Variants in FOXN3 observed in about 807,000 individuals in gnomAD.
FOXN3 encodes forkhead box N3, also known as forkhead box protein N3.
FOXN3 carries 7 observed loss-of-function variants against 38.4 expected under a neutral mutation model. The ratio of observed to expected loss-of-function variants is 0.18; its 90% CI spans 0.10 to 0.34. The LOEUF is 0.34. Ranked by LOEUF, FOXN3 falls within the 10% of genes least tolerant of loss-of-function variation. The pLI is 1.00. For synonymous variants in FOXN3, 230 were observed against 242.2 expected (o/e 0.95, Z 0.47); for missense variants, 456 against 613.4 (o/e 0.74, Z 2.71).
chr14:89,296,258 T>G (rs1887037680), intron 3 of FOXN3, among the ~76,000 whole-genome samples: 2 of 152,222 alleles, frequency 1.3e-5, no homozygotes, highest in Admixed American at 1.3e-4. Context: ...AAGGTGTTTA[T>G]CATTATCTTT....
chr14:89,253,256 C>T (rs9323838), intron 4 of FOXN3, among the ~76,000 whole-genome samples: 94,490 of 152,124 alleles, frequency 0.62, 29,512 homozygotes, highest in Middle Eastern at 0.7. Flanking sequence ...TCACCGGCAT[C>T]GCGGAAAAGA....
intron 1 of FOXN3, among the ~76,000 whole-genome samples, chr14:89,593,949 G>A (rs943620165): frequency 2.0e-5 from 3 of 152,128 alleles, no homozygotes; most frequent in South Asian, 2.1e-4. Flanking sequence ...TTATATAAAC[G>A]GAATTCAGAT....
intron 1 of FOXN3, among the ~76,000 whole-genome samples, chr14:89,599,201 GT>G (rs942593533): frequency 6.6e-6 from 1 of 151,900 alleles, no homozygotes; most frequent in African/African-American, 2.4e-5. Flanking sequence ...AATTCATTTG[GT>G]TTTTTTAAAG....
At chr14:89,539,924 A>G (rs1596311649) in intron 1 of FOXN3, among the ~76,000 whole-genome samples, 2 of 152,252 alleles carry the variant, frequency 1.3e-5, no homozygotes, top group Admixed American at 1.3e-4. Context: ...AAAATGGAAG[A>G]GAAGTCTGAA....
chr14:89,223,985 C>T (rs8015831), intron 4 of FOXN3, among the ~76,000 whole-genome samples: 2,853 of 151,814 alleles, frequency 0.019, 101 homozygotes, highest in African/African-American at 0.065. Context: ...ATATTTATAA[C>T]GATTAAGAGA....
At chr14:89,569,186 C>T (rs1030626742) in intron 1 of FOXN3, among the ~76,000 whole-genome samples, 5 of 151,416 alleles carry the variant, frequency 3.3e-5, no homozygotes, top group Admixed American at 6.6e-5. Context: ...GCCTGGGGGA[C>T]AGAGCGAGAC....
intron 1 of FOXN3, among the ~76,000 whole-genome samples, chr14:89,440,620 A>G (rs1175094626): frequency 6.6e-6 from 1 of 152,176 alleles, no homozygotes; most frequent in African/African-American, 2.4e-5. Context: ...CCTGCCCGCC[A>G]GAGAACAAAC....
At chr14:89,306,434 C>G (rs1887378668) in intron 3 of FOXN3, among the ~76,000 whole-genome samples, 1 of 152,014 alleles carries the variant, frequency 6.6e-6, no homozygotes, top group Non-Finnish European at 1.5e-5. Context: ...GTGGCACCAT[C>G]TCGGTTCACT....
rs189858916 is a variant in FOXN3, at chr14:89,272,300, G to A, written c.745+8650C>T. ...TGCACTCCAGCCTGGGTGACAGAGC[G>A]AAACTCTGTTTCAAAAAAAAAGAAG... On this transcript the variant is annotated intron_variant, in intron 4 of 5. Transcript: ENST00000557258. Among the ~76,000 whole-genome samples, 16 of 151,556 alleles carry A rather than the reference G, an allele frequency of 1.1e-4. No individual in the cohort carries two copies. The East Asian group carries it at 1.4e-3, about 13-fold the overall frequency.
At chr14:89,277,459 T>G (rs914915044) in intron 4 of FOXN3, among the ~76,000 whole-genome samples, 2 of 152,170 alleles carry the variant, frequency 1.3e-5, no homozygotes, top group African/African-American at 4.8e-5. Context: ...AAATGGCATT[T>G]AAAATAAAGA....
At chr14:89,265,318 C>T (rs890671273) in intron 4 of FOXN3, among the ~76,000 whole-genome samples, 32 of 152,200 alleles carry the variant, frequency 2.1e-4, no homozygotes, top group Admixed American at 5.9e-4. Flanking sequence ...AACTCAGCAA[C>T]GCTGCTGGTG....
At chr14:89,469,532 A>G (rs537569369) in intron 1 of FOXN3, among the ~76,000 whole-genome samples, 4 of 152,334 alleles carry the variant, frequency 2.6e-5, no homozygotes, top group Non-Finnish European at 5.9e-5. Context: ...TGGAGCAAAG[A>G]GTTCATGTTG....
intron 1 of FOXN3, among the ~76,000 whole-genome samples, chr14:89,613,539 T>C (rs1005801247): frequency 1.3e-5 from 2 of 152,208 alleles, no homozygotes; most frequent in Non-Finnish European, 2.9e-5. Flanking sequence ...ACCACCATCA[T>C]TTCGATCATT....
At chr14:89,544,883 G>A (rs1423594700) in intron 1 of FOXN3, among the ~76,000 whole-genome samples, 1 of 152,206 alleles carries the variant, frequency 6.6e-6, no homozygotes, top group Non-Finnish European at 1.5e-5. Context: ...AGGTGCAACT[G>A]AAATATACAC....
chr14:89,310,408 T>C (rs1887501337), intron 3 of FOXN3, among the ~76,000 whole-genome samples: 1 of 152,206 alleles, frequency 6.6e-6, no homozygotes, highest in Non-Finnish European at 1.5e-5. Context: ...CACAGCTTCA[T>C]GTCTTTGTCC....
At chr14:89,559,836 G>A (rs1313380558) in intron 1 of FOXN3, among the ~76,000 whole-genome samples, 4 of 152,078 alleles carry the variant, frequency 2.6e-5, no homozygotes, top group Non-Finnish European at 2.9e-5. Flanking sequence ...CAATAGCTGG[G>A]GACACAGAGG....
chr14:89,595,042 C>A (rs570968020), intron 1 of FOXN3, among the ~76,000 whole-genome samples: 2 of 151,924 alleles, frequency 1.3e-5, no homozygotes, highest in Non-Finnish European at 2.9e-5. Flanking sequence ...TCCGGCCAGG[C>A]GCAGTGGCTC....
chr14:89,202,515 C>T (rs1285248924), intron 4 of FOXN3, among the ~76,000 whole-genome samples: 1 of 152,224 alleles, frequency 6.6e-6, no homozygotes, highest in Non-Finnish European at 1.5e-5. Flanking sequence ...TTAATGTGCT[C>T]GACCTCTCTA....
intron 1 of FOXN3, among the ~76,000 whole-genome samples, chr14:89,452,768 G>A (rs756387005): frequency 1.2e-4 from 19 of 152,182 alleles, no homozygotes; most frequent in Non-Finnish European, 1.5e-4. Context: ...AGGAAGGGAC[G>A]AGACTTTAGT....
Sources: gnomAD v4.1 joint callset for allele counts (sites outside exome capture counted in the v4.1 genomes callset) on GRCh38, gnomAD v4.1.1 for gene constraint, MANE v1.5 for transcripts, NCBI Gene and HGNC (gene_info 2026-07-23, HGNC 2026-07-21) for gene names.